The following DOK6 variants were observed in gnomAD, a reference collection of about 807,000 sequenced individuals.
DOK6 encodes the protein docking protein 6, also known as downstream of tyrosine kinase 6.
A neutral mutation model predicts 44.0 loss-of-function variants in DOK6; 22 were observed. That is an observed-to-expected ratio of 0.50 (90% CI 0.36 to 0.71). The LOEUF (loss-of-function observed/expected upper bound fraction) is 0.71, where lower values mean the gene tolerates loss of function less well. Ranked by LOEUF, DOK6 falls within the 30% of genes least tolerant of loss-of-function variation. The probability of loss-of-function intolerance (pLI) is 0.00; values close to 1 mark genes in which losing one functional copy is unlikely to be tolerated. For missense variants in DOK6, 340 were observed against 416.4 expected (o/e 0.82, Z 1.60); for synonymous variants, 166 against 145.5 (o/e 1.14, Z -1.01).
chr18:69,814,885 A>G (rs1453156835), intron 7 of DOK6, among the ~76,000 whole-genome samples: 2 of 152,178 alleles, frequency 1.3e-5, no homozygotes, highest in African/African-American at 4.8e-5. Flanking sequence ...CACAGAGCCA[A>G]ACCATATCAG....
intron 7 of DOK6, among the ~76,000 whole-genome samples, chr18:69,765,386 A>G (rs979195434): frequency 1.3e-5 from 2 of 152,204 alleles, no homozygotes; most frequent in African/African-American, 4.8e-5. Context: ...CCCATACCTT[A>G]AGAAAGGTAT....
intron 1 of DOK6, among the ~76,000 whole-genome samples, chr18:69,492,389 ATTTATTTTATTTTATCTTAT>A (rs1980759601): frequency 6.6e-6 from 1 of 151,960 alleles, no homozygotes; most frequent in Non-Finnish European, 1.5e-5. Context: ...TCTTTTAAAA[ATTTATTTTATTTTATCTTAT>A]TTTATTTTAT....
At chr18:69,510,593 T>C (rs970234895) in intron 1 of DOK6, among the ~76,000 whole-genome samples, 1 of 152,194 alleles carries the variant, frequency 6.6e-6, no homozygotes, top group African/African-American at 2.4e-5. Context: ...CGTGAATACA[T>C]TGTGTCATGT....
At chr18:69,403,151 G>A (rs1038626192) in intron 1 of DOK6, among the ~76,000 whole-genome samples, 19 of 152,204 alleles carry the variant, frequency 1.2e-4, no homozygotes, top group Non-Finnish European at 2.4e-4. Context: ...CAGACAAGAT[G>A]TATGTCTGCG....
intron 4 of DOK6, among the ~76,000 whole-genome samples, chr18:69,678,733 C>G (rs1662068107): frequency 6.6e-6 from 1 of 152,152 alleles, no homozygotes; most frequent in Non-Finnish European, 1.5e-5. Context: ...TGTCAATATT[C>G]ATTGATTGTG....
intron 3 of DOK6, among the ~76,000 whole-genome samples, chr18:69,620,167 T>C (rs1348011866): frequency 6.6e-6 from 1 of 152,164 alleles, no homozygotes; most frequent in Non-Finnish European, 1.5e-5. Context: ...CTTTCTTTAG[T>C]AGACACTTGT....
intron 3 of DOK6, among the ~76,000 whole-genome samples, chr18:69,638,022 T>C (rs1393509268): frequency 6.6e-6 from 1 of 152,184 alleles, no homozygotes; most frequent in African/African-American, 2.4e-5. Flanking sequence ...TGCTGTTTGA[T>C]AGAACTCAGA....
chr18:69,592,229 T>C (rs1400226885), intron 2 of DOK6, among the ~76,000 whole-genome samples: 1 of 141,822 alleles, frequency 7.1e-6, no homozygotes, highest in Non-Finnish European at 1.6e-5. Flanking sequence ...CTTTTGTTTT[T>C]CTTTTTTCTT....
chr18:69,674,733 G>A (rs1985882606), intron 3 of DOK6, among the ~76,000 whole-genome samples: 1 of 151,956 alleles, frequency 6.6e-6, no homozygotes, highest in Admixed American at 6.6e-5. Context: ...ACTCTGCTGA[G>A]CCTTTGGCAT....
At chr18:69,579,738 A>G (rs978296756) in intron 2 of DOK6, among the ~76,000 whole-genome samples, 2 of 151,728 alleles carry the variant, frequency 1.3e-5, no homozygotes, top group Non-Finnish European at 2.9e-5. Flanking sequence ...TAATTTTTGT[A>G]TATTTTTGTT....
intron 1 of DOK6, among the ~76,000 whole-genome samples, chr18:69,491,070 C>T (rs1033337766): frequency 2.6e-5 from 4 of 152,164 alleles, no homozygotes; most frequent in African/African-American, 9.7e-5. Flanking sequence ...GTGTTATCTA[C>T]ATTATCTGCA....
At chr18:69,828,114 A>T (rs756726787) in intron 7 of DOK6, among the ~76,000 whole-genome samples, 2 of 151,902 alleles carry the variant, frequency 1.3e-5, no homozygotes, top group Non-Finnish European at 3.0e-5. Context: ...TAATATGTTC[A>T]GAAATTAAAA....
chr18:69,473,926 T>C (rs17184466), intron 1 of DOK6, among the ~76,000 whole-genome samples: 29,731 of 151,978 alleles, frequency 0.2, 3,307 homozygotes, highest in Non-Finnish European at 0.23. Context: ...CACAGCCCTA[T>C]TGGAAGTGCA....
At chr18:69,471,497 T>A (rs1474587499) in intron 1 of DOK6, 1 of 151,956 alleles carries the variant, frequency 6.6e-6, no homozygotes, top group East Asian at 1.9e-4. Context: ...CGTGGCACGG[T>A]GCTTGGATTT....
At chr18:69,447,703 G>A (rs1331301040) in intron 1 of DOK6, among the ~76,000 whole-genome samples, 2 of 152,178 alleles carry the variant, frequency 1.3e-5, no homozygotes, top group East Asian at 3.8e-4. Flanking sequence ...GAGTCAGAAG[G>A]TGAGCCCGTG....
intron 3 of DOK6, among the ~76,000 whole-genome samples, chr18:69,632,910 T>C (rs1984722022): frequency 6.6e-6 from 1 of 152,174 alleles, no homozygotes; most frequent in Admixed American, 6.5e-5. Context: ...ACACAAGTAC[T>C]CATAGAAACC....
chr18:69,658,040 C>T (rs1338547574), intron 3 of DOK6, among the ~76,000 whole-genome samples: 1 of 152,186 alleles, frequency 6.6e-6, no homozygotes, highest in African/African-American at 2.4e-5. Context: ...TAGCCTCCAT[C>T]TTCTGGGCTC....
intron 5 of DOK6, among the ~76,000 whole-genome samples, chr18:69,733,858 T>C (rs868078499): frequency 8.5e-5 from 13 of 152,282 alleles, no homozygotes; most frequent in Middle Eastern, 3.4e-3. Flanking sequence ...CTTCAGTAGT[T>C]GAATTTCTAA....
At chr18:69,771,450 A>C (rs73456836) in intron 7 of DOK6, among the ~76,000 whole-genome samples, 3,676 of 152,118 alleles carry the variant, frequency 0.024, 121 homozygotes, top group African/African-American at 0.077. Flanking sequence ...TTTGCTTTTT[A>C]CTATTATAAA....
Sources: gnomAD v4.1 joint callset for allele counts (sites outside exome capture counted in the v4.1 genomes callset) on GRCh38, gnomAD v4.1.1 for gene constraint, MANE v1.5 for transcripts, NCBI Gene and HGNC (gene_info 2026-07-23, HGNC 2026-07-21) for gene names.